SMARCAD1: variants seen among roughly 807,000 people sequenced by gnomAD.
SMARCAD1 encodes the protein SWI/SNF-related matrix-associated actin-dependent regulator of chromatin subfamily A containing DEAD/H box 1.
Under a neutral mutation model 127.1 loss-of-function variants are expected in SMARCAD1, and 25 were observed. The ratio of observed to expected loss-of-function variants is 0.20; its 90% CI spans 0.14 to 0.27. The LOEUF is 0.27. SMARCAD1 is among the 10% of genes least tolerant of loss of function. The pLI is 1.00. For synonymous variants in SMARCAD1, 400 were observed against 396.9 expected (o/e 1.01, Z -0.09); for missense variants, 807 against 1,206.0 (o/e 0.67, Z 4.90).
At position 94,263,099 on chromosome 4, in the gene SMARCAD1, G is replaced by T. The variant is rs540187428; in HGVS notation, c.1282-1608G>T. 5.9e-5 allele frequency among the ~76,000 whole-genome samples: 9 copies of T among 152,136 alleles called. No homozygotes were observed. The East Asian group carries it at 1.7e-3, about 29-fold the overall frequency. On this transcript the variant is annotated intron_variant, in intron 9 of 23. Coordinates refer to ENST00000354268, the MANE Select transcript of SMARCAD1 (RefSeq NM_020159.5). ...ATCTAGATTTGGTAGGCTAGTCTTG[G>T]TAGTTGTTACGAGGATTTAATGAGT...
intron 11 of SMARCAD1, among the ~76,000 whole-genome samples, chr4:94,271,373 T>G (rs1362810151): frequency 6.6e-6 from 1 of 152,208 alleles, no homozygotes; most frequent in Non-Finnish European, 1.5e-5. Flanking sequence ...TCACAAAGTT[T>G]GTTATAGCCA....
intron 11 of SMARCAD1, 59 bp downstream of exon 11, chr4:94,270,877 C>A: frequency 6.6e-7 from 1 of 1,512,364 alleles, no homozygotes; most frequent in Non-Finnish European, 9.2e-7. Context: ...GGTATTCTTG[C>A]TGTCATTTAA....
chr4:94,209,164 G>C (rs971088770), intron 2 of SMARCAD1, among the ~76,000 whole-genome samples: 48 of 152,198 alleles, frequency 3.2e-4, no homozygotes, highest in Admixed American at 1.3e-4. Flanking sequence ...TTGAGGATAA[G>C]CCAAAAATTA....
intron 11 of SMARCAD1, among the ~76,000 whole-genome samples, chr4:94,272,273 A>G (rs187462334): frequency 2.7e-4 from 41 of 152,308 alleles, no homozygotes; most frequent in African/African-American, 7.7e-4. Flanking sequence ...TACGACTCCA[A>G]CGTATGTATT....
intron 10 of SMARCAD1, 133 bp downstream of exon 10, chr4:94,265,039 G>A: frequency 1.3e-6 from 1 of 769,484 alleles, no homozygotes; most frequent in Non-Finnish European, 2.2e-6. Flanking sequence ...TTCTGTAATG[G>A]CACATAAGTG....
intron 6 of SMARCAD1, among the ~76,000 whole-genome samples, chr4:94,245,889 CTG>C (rs1429996241): frequency 6.6e-6 from 1 of 152,178 alleles, no homozygotes; most frequent in African/African-American, 2.4e-5. Flanking sequence ...GCAAAACTGA[CTG>C]TGGTCAGTAG....
intron 12 of SMARCAD1, among the ~76,000 whole-genome samples, chr4:94,274,090 G>A (rs193161123): frequency 2.4e-4 from 36 of 152,120 alleles, no homozygotes; most frequent in African/African-American, 7.9e-4. Flanking sequence ...TTCTCAATTC[G>A]TTGGATGTAG....
intron 7 of SMARCAD1, 98 bp from the exon 8 acceptor site, chr4:94,250,654 G>C: frequency 1.4e-6 from 1 of 735,636 alleles, no homozygotes; most frequent in Non-Finnish European, 2.2e-6. Flanking sequence ...TGAATTCTCT[G>C]TTTTCAGGTG....
At chr4:94,224,232 G>A (rs1318354112) in intron 2 of SMARCAD1, among the ~76,000 whole-genome samples, 1 of 152,142 alleles carries the variant, frequency 6.6e-6, no homozygotes, top group Non-Finnish European at 1.5e-5. Flanking sequence ...AGTATGATTT[G>A]CTTTTTGCTG....
At chr4:94,267,463 T>C (rs1464918820) in intron 10 of SMARCAD1, among the ~76,000 whole-genome samples, 1 of 152,296 alleles carries the variant, frequency 6.6e-6, no homozygotes, top group East Asian at 1.9e-4. Context: ...TATTTCTGTA[T>C]TTTAAACTCA....
At chr4:94,271,201 G>T (rs1302133464) in intron 11 of SMARCAD1, among the ~76,000 whole-genome samples, 1 of 152,120 alleles carries the variant, frequency 6.6e-6, no homozygotes, top group East Asian at 1.9e-4. Context: ...ACATATATGT[G>T]CTTTTTCTAC....
intron 5 of SMARCAD1, 118 bp downstream of exon 5, chr4:94,237,136 T>C (rs1428155665): frequency 1.1e-6 from 1 of 871,200 alleles, no homozygotes; most frequent in Non-Finnish European, 1.9e-6. Context: ...TACAGGAATT[T>C]GTGAGGTATT....
intron 10 of SMARCAD1, among the ~76,000 whole-genome samples, chr4:94,268,253 G>GT (rs1018226674): frequency 1.3e-5 from 2 of 152,064 alleles, no homozygotes; most frequent in African/African-American, 2.4e-5. Context: ...AATCTGTGTA[G>GT]TTTTTTAAAT....
intron 2 of SMARCAD1, among the ~76,000 whole-genome samples, chr4:94,224,671 ATAATT>A (rs1332573154): frequency 1.3e-5 from 2 of 152,184 alleles, no homozygotes; most frequent in African/African-American, 4.8e-5. Context: ...AATGATTGTT[ATAATT>A]TAGTGTTACG....
At position 94,290,531 on chromosome 4, in the gene SMARCAD1, G is replaced by C. The variant is rs780159797; in HGVS notation, c.*997G>C. ...CTGCATGGAAATAGGTCATTAACTT[G>C]AAACTCTTATCAAAATATATTTTAC... On this transcript the variant is annotated 3_prime_UTR_variant, in exon 24 of 24. Transcript: ENST00000354268. The C allele has an allele frequency of 1.3e-5, 6 of 454,322 alleles. 1 individual carries two copies. The highest frequency in any genetic ancestry group is 6.0e-5 in the African/African-American group (3 of 49,992). The allele number at this position is 454,322 out of a possible 1,614,324, so 28.1% of individuals were successfully genotyped here.
intron 6 of SMARCAD1, among the ~76,000 whole-genome samples, chr4:94,247,443 CAT>C (rs1428502242): frequency 2.0e-5 from 3 of 152,198 alleles, no homozygotes; most frequent in African/African-American, 7.2e-5. Context: ...GCAAACAACA[CAT>C]GATAGGCACA....
At chr4:94,256,327 C>G (rs899151208) in intron 9 of SMARCAD1, among the ~76,000 whole-genome samples, 2 of 151,916 alleles carry the variant, frequency 1.3e-5, no homozygotes, top group African/African-American at 4.8e-5. Context: ...TTATGTTACT[C>G]TCATCTACTA....
chr4:94,273,640 C>G lies in SMARCAD1; in HGVS notation c.1596C>G (p.Ala532=). The change falls in exon 12 of 24, where the codon GCC becomes GCG. Residue 532 remains alanine, a synonymous_variant. Coordinates refer to ENST00000354268, the MANE Select transcript of SMARCAD1 (RefSeq NM_020159.5). The part of the protein sequence containing the change: ...DEMGLGKTIQ[A]IAFLAYLYQE... ...AGGGCCTAGGAAAAACTATTCAAGC[C>G]ATTGCATTTCTGGCATACCTCTATC... 6.2e-7 allele frequency: 1 copy of G among 1,613,686 alleles called. No homozygotes were observed. The highest frequency in any genetic ancestry group is 1.1e-5 in the South Asian group (1 of 91,050).
chr4:94,216,536 T>C (rs1468191433), intron 2 of SMARCAD1, among the ~76,000 whole-genome samples: 4 of 152,324 alleles, frequency 2.6e-5, no homozygotes, highest in Middle Eastern at 3.4e-3. Flanking sequence ...TCAATACATA[T>C]ACATTGTCAT....
Sources: gnomAD v4.1 joint callset for allele counts (sites outside exome capture counted in the v4.1 genomes callset) on GRCh38, gnomAD v4.1.1 for gene constraint, MANE v1.5 for transcripts, NCBI Gene and HGNC (gene_info 2026-07-23, HGNC 2026-07-21) for gene names.